Variants in LRBA observed in about 807,000 individuals in gnomAD.
The protein encoded by LRBA is lipopolysaccharide-responsive and beige-like anchor protein.
LRBA carries 176 observed loss-of-function variants against 330.0 expected under a neutral mutation model. The ratio of observed to expected loss-of-function variants is 0.53; its 90% CI spans 0.47 to 0.60. The LOEUF (loss-of-function observed/expected upper bound fraction) is 0.60, where lower values mean the gene tolerates loss of function less well. LRBA is among the 20% of genes least tolerant of loss of function. LRBA has a pLI of 0.00. For missense variants in LRBA, 3,259 were observed against 3,444.8 expected (o/e 0.95, Z 1.35); for synonymous variants, 1,230 against 1,193.0 (o/e 1.03, Z -0.64).
chr4:150,931,339 T>C (rs1734478023), intron 2 of LRBA, among the ~76,000 whole-genome samples: 1 of 151,650 alleles, frequency 6.6e-6, no homozygotes, highest in Non-Finnish European at 1.5e-5. Context: ...GTGCTTATTA[T>C]TAATAATGCT....
At chr4:150,875,921 TTCAAAGCATGGACTGCAAGGAAGC>T (rs1753977321) in intron 17 of LRBA, among the ~76,000 whole-genome samples, 1 of 152,080 alleles carries the variant, frequency 6.6e-6, no homozygotes, top group African/African-American at 2.4e-5. Context: ...AAATAAATAA[TTCAAAGCATGGACTGCAAGGAAGC>T]TCAATGATAT....
In LRBA at chr4:150,625,005, G is replaced by A. The variant is rs10020671; in HGVS notation, c.5922-25874C>T. On this transcript the variant is annotated intron_variant, in intron 37 of 56. Transcript: ENST00000651943. ...TTCTATCTATTTATAAGAGCTCTTT[G>A]TAGTCAAGGAAAATAACTAGAAAAT... Among the ~76,000 whole-genome samples, 424 of 152,254 alleles carry A rather than the reference G, an allele frequency of 2.8e-3. 3 individuals carry two copies. The highest frequency in any genetic ancestry group is 9.7e-3 in the African/African-American group (402 of 41,552).
intron 5 of LRBA, among the ~76,000 whole-genome samples, chr4:150,917,467 G>A (rs1435885353): frequency 1.3e-5 from 2 of 152,114 alleles, no homozygotes; most frequent in Non-Finnish European, 2.9e-5. Flanking sequence ...CTGGGTATAT[G>A]CTGCTTTTAT....
intron 42 of LRBA, among the ~76,000 whole-genome samples, chr4:150,482,858 T>C (rs1230497904): frequency 6.6e-6 from 1 of 152,080 alleles, no homozygotes; most frequent in Non-Finnish European, 1.5e-5. Flanking sequence ...AACTTACATT[T>C]TTTTTTTGTA....
chr4:150,341,673 G>A (rs1373128676), intron 48 of LRBA, among the ~76,000 whole-genome samples: 2 of 151,534 alleles, frequency 1.3e-5, no homozygotes, highest in African/African-American at 4.8e-5. Context: ...TCTCCTTTGT[G>A]CTCCCGTATT....
intron 36 of LRBA, among the ~76,000 whole-genome samples, chr4:150,732,873 C>T (rs2127132993): frequency 6.6e-6 from 1 of 152,052 alleles, no homozygotes; most frequent in South Asian, 2.1e-4. Flanking sequence ...TGTCATCTTC[C>T]TCCCTATTGC....
chr4:150,308,551 A>G (rs1361218208), intron 52 of LRBA, among the ~76,000 whole-genome samples: 1 of 152,218 alleles, frequency 6.6e-6, no homozygotes, highest in African/African-American at 2.4e-5. Flanking sequence ...TAAAATAGGC[A>G]CAGGCAAACC....
At chr4:150,453,461 C>CA (rs1328141719) in intron 44 of LRBA, among the ~76,000 whole-genome samples, 3 of 152,060 alleles carry the variant, frequency 2.0e-5, no homozygotes, top group African/African-American at 7.2e-5. Context: ...GACTTCTACA[C>CA]ACAAAAAAAT....
At chr4:150,508,666 T>A (rs1761463068) in intron 40 of LRBA, among the ~76,000 whole-genome samples, 1 of 152,224 alleles carries the variant, frequency 6.6e-6, no homozygotes, top group Non-Finnish European at 1.5e-5. Flanking sequence ...ATCAAGAGGC[T>A]TTATTTAACT....
intron 2 of LRBA, among the ~76,000 whole-genome samples, chr4:150,992,467 G>C (rs1206725866): frequency 1.3e-5 from 2 of 152,172 alleles, no homozygotes; most frequent in East Asian, 3.8e-4. Flanking sequence ...ATGAGTTAGA[G>C]CATCAGAGGT....
At chr4:150,993,935 G>C (rs1328551219) in intron 2 of LRBA, among the ~76,000 whole-genome samples, 1 of 151,822 alleles carries the variant, frequency 6.6e-6, no homozygotes, top group African/African-American at 2.4e-5. Context: ...CGTGGTGGCA[G>C]GCACCTGTAA....
intron 40 of LRBA, among the ~76,000 whole-genome samples, chr4:150,500,063 G>A (rs956974589): frequency 6.6e-6 from 1 of 152,046 alleles, no homozygotes; most frequent in Non-Finnish European, 1.5e-5. Context: ...AATGACTCCA[G>A]TGAACAATAA....
intron 36 of LRBA, among the ~76,000 whole-genome samples, chr4:150,712,888 G>A (rs1208556122): frequency 6.6e-6 from 1 of 152,046 alleles, no homozygotes; most frequent in Non-Finnish European, 1.5e-5. Flanking sequence ...AAAACACACA[G>A]AAACATTATG....
chr4:150,353,230 T>C (rs993566165), intron 47 of LRBA, among the ~76,000 whole-genome samples: 2 of 152,150 alleles, frequency 1.3e-5, no homozygotes, highest in Non-Finnish European at 2.9e-5. Flanking sequence ...AAAGAACTTA[T>C]ACTTATTTAT....
chr4:150,557,730 A>C (rs185346220), intron 40 of LRBA, among the ~76,000 whole-genome samples: 1 of 152,292 alleles, frequency 6.6e-6, no homozygotes, highest in Admixed American at 6.5e-5. Context: ...AAGTCCACAG[A>C]GGTATAGTGC....
At position 150,265,549 on chromosome 4, in the gene LRBA, A is replaced by C; in HGVS notation, c.*173T>G. On this transcript the variant is annotated 3_prime_UTR_variant, in exon 57 of 57. Coordinates refer to ENST00000651943, the MANE Select transcript of LRBA (RefSeq NM_001364905.1). ...CAGCAGCCAGTTTTCTGCTTTGCTAATCCCCCCCAAAAAAGTCAAGCAAAG... is the reference window on the plus strand; with the variant it reads ...CAGCAGCCAGTTTTCTGCTTTGCTACTCCCCCCCAAAAAAGTCAAGCAAAG... 1.9e-6 allele frequency: 1 copy of C among 537,368 alleles called. No homozygotes were observed. The highest frequency in any genetic ancestry group is 3.4e-6 in the Non-Finnish European group (1 of 294,960). The allele number at this position is 537,368 out of a possible 1,614,324, so 33.3% of individuals were successfully genotyped here. A position where few individuals can be genotyped will look rare whatever the true frequency, so the allele number is the denominator to read the frequency against.
chr4:150,799,213 T>A (rs1741231950), intron 33 of LRBA, among the ~76,000 whole-genome samples: 1 of 152,164 alleles, frequency 6.6e-6, no homozygotes, highest in Non-Finnish European at 1.5e-5. Context: ...TCTCAATGTC[T>A]GAAAAAATAT....
intron 40 of LRBA, among the ~76,000 whole-genome samples, chr4:150,506,764 A>C (rs930597162): frequency 6.6e-6 from 1 of 152,204 alleles, no homozygotes; most frequent in Admixed American, 6.5e-5. Context: ...AGGGTATTCG[A>C]TTAGGAAAAG....
At chr4:150,501,120 A>AT (rs1207772248) in intron 40 of LRBA, among the ~76,000 whole-genome samples, 1 of 152,196 alleles carries the variant, frequency 6.6e-6, no homozygotes, top group East Asian at 1.9e-4. Flanking sequence ...TAAAACTTAA[A>AT]TAAGACTTTT....
Sources: allele counts gnomAD v4.1 joint callset (sites outside exome capture counted in the v4.1 genomes callset), GRCh38; gene constraint gnomAD v4.1.1; transcripts MANE v1.5; gene names NCBI Gene and HGNC (gene_info 2026-07-23, HGNC 2026-07-21).